TLK1: variants seen among roughly 807,000 people sequenced by gnomAD.
The protein encoded by TLK1 is tousled like kinase 1.
In TLK1, 24 loss-of-function variants were observed where a neutral mutation model predicts 105.3. The ratio of observed to expected loss-of-function variants is 0.23; its 90% CI spans 0.17 to 0.32. TLK1 has a LOEUF of 0.32. Among genes scored for constraint, TLK1 ranks in the 10% least tolerant of loss-of-function variants. TLK1 has a pLI of 1.00. For synonymous variants in TLK1, 321 were observed against 310.4 expected (o/e 1.03, Z -0.36); for missense variants, 558 against 910.5 (o/e 0.61, Z 4.98).
chr2:171,194,724 G>C (rs369070116), intron 1 of TLK1, among the ~76,000 whole-genome samples: 1 of 151,334 alleles, frequency 6.6e-6, no homozygotes, highest in Non-Finnish European at 1.5e-5. Context: ...GGCTGAGGCA[G>C]GAGAATGGCG....
At chr2:171,098,446 A>C (rs1449749108) in intron 2 of TLK1, among the ~76,000 whole-genome samples, 1 of 152,198 alleles carries the variant, frequency 6.6e-6, no homozygotes, top group Admixed American at 6.5e-5. Flanking sequence ...AGTCCTTACA[A>C]GTAAAGAAAT....
chr2:171,173,333 C>T (rs1381618932), intron 1 of TLK1, among the ~76,000 whole-genome samples: 1 of 152,202 alleles, frequency 6.6e-6, no homozygotes, highest in Non-Finnish European at 1.5e-5. Flanking sequence ...TCATACGGAT[C>T]ACATATGTAC....
intron 1 of TLK1, among the ~76,000 whole-genome samples, chr2:171,129,751 G>A (rs904694134): frequency 6.6e-6 from 1 of 152,022 alleles, no homozygotes; most frequent in African/African-American, 2.4e-5. Context: ...GATCACTTGA[G>A]CCCAGGAAGT....
At chr2:171,042,292 G>T (rs375088611) in intron 11 of TLK1, among the ~76,000 whole-genome samples, 23 of 152,184 alleles carry the variant, frequency 1.5e-4, no homozygotes, top group African/African-American at 5.1e-4. Context: ...TGTCACCCAG[G>T]CTGGAGTGCA....
upstream of TLK1, among the ~76,000 whole-genome samples, chr2:171,163,514 A>G (rs949731073): frequency 2.0e-5 from 3 of 152,236 alleles, no homozygotes; most frequent in Non-Finnish European, 4.4e-5. Flanking sequence ...AGACCTGAGT[A>G]TTAGTCTCAG....
rs563610307 is a variant in TLK1, at chr2:171,190,168, G to A, written c.-6+40977C>T. On this transcript the variant is annotated intron_variant, in intron 1 of 20. Transcript: ENST00000521943. ...ACATAAAGTGAGTGTTGCTGGAGTGGCAAGGGTTTTTGGGAGATGAAGCTA... is the reference window on the plus strand; with the variant it reads ...ACATAAAGTGAGTGTTGCTGGAGTGACAAGGGTTTTTGGGAGATGAAGCTA... 1.2e-4 allele frequency among the ~76,000 whole-genome samples: 19 copies of A among 152,304 alleles called. No homozygotes were observed. The South Asian group carries it at 2.5e-3, about 20-fold the overall frequency.
intron 1 of TLK1, among the ~76,000 whole-genome samples, chr2:171,146,093 A>G (rs1691780048): frequency 6.6e-6 from 1 of 152,214 alleles, no homozygotes; most frequent in Admixed American, 6.5e-5. Flanking sequence ...AAATAAAATC[A>G]GTTGAATCAC....
intron 1 of TLK1, among the ~76,000 whole-genome samples, chr2:171,152,963 GGTT>G (rs1558971096): frequency 6.6e-6 from 1 of 152,028 alleles, no homozygotes; most frequent in Non-Finnish European, 1.5e-5. Flanking sequence ...TTCTAAATTG[GGTT>G]GTTTGGTTGG....
At chr2:171,032,966 C>T (rs941127953) in intron 11 of TLK1, among the ~76,000 whole-genome samples, 6 of 152,000 alleles carry the variant, frequency 3.9e-5, no homozygotes, top group African/African-American at 9.7e-5. Context: ...CCAGCACTTT[C>T]GGAAGCTGAG....
chr2:171,227,770 T>C (rs1421876781), intron 1 of TLK1, among the ~76,000 whole-genome samples: 4 of 152,040 alleles, frequency 2.6e-5, no homozygotes, highest in Non-Finnish European at 5.9e-5. Flanking sequence ...CTTTCCAGTA[T>C]AGTACATTTT....
intron 2 of TLK1, 136 bp downstream of exon 2, chr2:171,117,603 T>G: frequency 1.5e-6 from 1 of 681,462 alleles, no homozygotes. Context: ...AACGCATTTA[T>G]GAACACTGAT....
rs3821085 is a variant in TLK1 at position 171,160,207 on chromosome 2, G to C, written c.139+83C>G. ...CAGGGTCTGGCGGAGAAGCCCCGGG[G>C]CGGGGGGGGCGGGGGGGGGGCGCGG... On this transcript the variant is annotated intron_variant, in intron 1 of 20. Coordinates refer to ENST00000431350, the MANE Select transcript of TLK1 (RefSeq NM_012290.5). The surrounding 1 kb of genome is among the most constrained non-coding windows in gnomAD (Gnocchi z 4.4). 2.3e-5 allele frequency: 29 copies of C among 1,254,902 alleles called. No individual in the cohort carries two copies. Among genetic ancestry groups the C allele is most frequent in the South Asian group, 2.8e-5 (1 of 35,880 alleles). The allele number at this position is 1,254,902 out of a possible 1,614,324, so 77.7% of individuals were successfully genotyped here.
upstream of TLK1, among the ~76,000 whole-genome samples, chr2:171,165,056 C>T (rs1692581669): frequency 6.6e-6 from 1 of 152,170 alleles, no homozygotes; most frequent in Non-Finnish European, 1.5e-5. Flanking sequence ...CAGAAAGAGA[C>T]ACGTGCCACT....
chr2:171,138,219 T>G (rs1691421843), intron 1 of TLK1, among the ~76,000 whole-genome samples: 1 of 152,234 alleles, frequency 6.6e-6, no homozygotes, highest in Admixed American at 6.5e-5. Context: ...TAACTGGCCA[T>G]GTACACATTT....
chr2:171,121,517 C>A (rs1352996530), intron 1 of TLK1, among the ~76,000 whole-genome samples: 1 of 152,094 alleles, frequency 6.6e-6, no homozygotes, highest in African/African-American at 2.4e-5. Flanking sequence ...GGTGACACAG[C>A]GAGAACCTGT....
chr2:171,028,624 G>A (rs932842607), intron 11 of TLK1, among the ~76,000 whole-genome samples: 10 of 151,792 alleles, frequency 6.6e-5, no homozygotes, highest in Non-Finnish European at 1.5e-5. Flanking sequence ...AAATGTATGA[G>A]CCAAAAATCC....
chr2:171,214,885 G>A (rs1241563079), intron 1 of TLK1, among the ~76,000 whole-genome samples: 2 of 151,982 alleles, frequency 1.3e-5, no homozygotes, highest in Non-Finnish European at 2.9e-5. Context: ...CAAGACAATG[G>A]GCCTTGATTC....
chr2:171,127,113 T>TA (rs1690898382), intron 1 of TLK1, among the ~76,000 whole-genome samples: 1 of 151,464 alleles, frequency 6.6e-6, no homozygotes, highest in South Asian at 2.1e-4. Flanking sequence ...CCAATTCTAC[T>TA]AAAAAATACA....
intron 1 of TLK1, among the ~76,000 whole-genome samples, chr2:171,202,434 G>A (rs1418140561): frequency 1.4e-5 from 2 of 148,022 alleles, no homozygotes; most frequent in Non-Finnish European, 1.5e-5. Context: ...CGTGAGCAAC[G>A]AGAGTGAAAT....
Sources: allele counts gnomAD v4.1 joint callset (sites outside exome capture counted in the v4.1 genomes callset), GRCh38; gene constraint gnomAD v4.1.1; non-coding constraint Gnocchi (gnomAD v3.1); transcripts MANE v1.5; gene names NCBI Gene and HGNC (gene_info 2026-07-23, HGNC 2026-07-21).